Variants in CNBD1 observed in about 807,000 individuals in gnomAD.
CNBD1 encodes the protein cyclic nucleotide binding domain containing 1.
A neutral mutation model predicts 54.4 loss-of-function variants in CNBD1; 71 were observed. The observed-to-expected ratio is 1.30, with a 90% CI of 1.08 to 1.59. The LOEUF (loss-of-function observed/expected upper bound fraction) is 1.59, where lower values mean the gene tolerates loss of function less well. Ranked by LOEUF, CNBD1 falls within the 40% of genes most tolerant of loss-of-function variation. The probability of loss-of-function intolerance (pLI) is 0.00; values close to 1 mark genes in which losing one functional copy is unlikely to be tolerated. For missense variants in CNBD1, 659 were observed against 518.0 expected, an observed-to-expected ratio of 1.27 and a Z score of -2.64; for synonymous variants, 182 against 170.7, an observed-to-expected ratio of 1.07 and a Z score of -0.51.
At chr8:87,037,054 G>C (rs149924108) in intron 4 of CNBD1, among the ~76,000 whole-genome samples, 2 of 151,878 alleles carry the variant, frequency 1.3e-5, no homozygotes, top group Admixed American at 1.3e-4. Flanking sequence ...AATTTTTTGC[G>C]ACCTCGAATA....
chr8:87,090,968 T>C (rs1381931525), intron 4 of CNBD1, among the ~76,000 whole-genome samples: 1 of 151,860 alleles, frequency 6.6e-6, no homozygotes, highest in Non-Finnish European at 1.5e-5. Context: ...TGTGAAACCC[T>C]GTCTCTATGA....
chr8:87,089,828 T>C (rs62527277), intron 4 of CNBD1, among the ~76,000 whole-genome samples: 1 of 152,114 alleles, frequency 6.6e-6, no homozygotes, highest in Non-Finnish European at 1.5e-5. Flanking sequence ...ATGCTACTTG[T>C]TCATACAAAA....
chr8:87,110,474 C>A (rs569946920), intron 4 of CNBD1, among the ~76,000 whole-genome samples: 1 of 152,302 alleles, frequency 6.6e-6, no homozygotes, highest in South Asian at 2.1e-4. Context: ...AAGAGGCCTA[C>A]AAGATGTTGA....
chr8:87,000,614 G>A (rs993535963), intron 4 of CNBD1, among the ~76,000 whole-genome samples: 2 of 152,086 alleles, frequency 1.3e-5, no homozygotes, highest in African/African-American at 4.8e-5. Context: ...AACAGGTTTG[G>A]CCCATGATAA....
At chr8:87,085,789 C>A (rs1002962946) in intron 4 of CNBD1, among the ~76,000 whole-genome samples, 4 of 152,090 alleles carry the variant, frequency 2.6e-5, no homozygotes, top group Non-Finnish European at 4.4e-5. Flanking sequence ...GGGTGTAGGG[C>A]CATTCTCTGC....
At chr8:87,073,050 A>G (rs370440800) in intron 4 of CNBD1, among the ~76,000 whole-genome samples, 1 of 150,956 alleles carries the variant, frequency 6.6e-6, no homozygotes, top group African/African-American at 2.4e-5. Flanking sequence ...TGTGTGTCCT[A>G]TTCCAGAAAG....
chr8:87,405,138 A>T (rs1020768222), intron 2 of CNBD1, among the ~76,000 whole-genome samples: 1 of 152,070 alleles, frequency 6.6e-6, no homozygotes, highest in African/African-American at 2.4e-5. Context: ...TAATATACTC[A>T]ACCATTGTTA....
chr8:87,137,034 A>T (rs1481693380), intron 4 of CNBD1, among the ~76,000 whole-genome samples: 23 of 112,142 alleles, frequency 2.1e-4, no homozygotes, highest in African/African-American at 8.7e-4. Context: ...TATTATATTT[A>T]TATTCTATGT....
At chr8:86,910,720 G>C (rs1408996099) in intron 3 of CNBD1, among the ~76,000 whole-genome samples, 2 of 152,276 alleles carry the variant, frequency 1.3e-5, no homozygotes, top group South Asian at 4.1e-4. Context: ...GTCATTGTCT[G>C]GGGTAATACC....
intron 4 of CNBD1, among the ~76,000 whole-genome samples, chr8:87,124,347 T>A (rs1811951116): frequency 6.6e-6 from 1 of 151,658 alleles, no homozygotes; most frequent in Admixed American, 6.6e-5. Context: ...TTTAAGAAGA[T>A]TCAAATTATA....
At position 87,358,465 on chromosome 8, in the gene CNBD1, T is replaced by C. The variant is rs114534098; in HGVS notation, c.1303+4679T>C. 7.2e-3 allele frequency among the ~76,000 whole-genome samples: 1,091 copies of C among 152,286 alleles called. 12 individuals carry two copies. Among genetic ancestry groups the C allele is most frequent in the African/African-American group, 0.025 (1,032 of 41,566 alleles). On this transcript the variant is annotated intron_variant, in intron 10 of 10. Transcript: ENST00000518476. ...TTTTCCTATATAATAATATGTTTTT[T>C]CTTTTCCTATATAAATGATGTTAAC...
chr8:87,342,757 A>G lies in CNBD1; in HGVS notation c.1043-8928A>G, dbSNP rs570173321. Among the ~76,000 whole-genome samples, 4 of 152,282 alleles carry G rather than the reference A, an allele frequency of 2.6e-5. No homozygotes were observed. The South Asian group carries it at 8.3e-4, about 32-fold the overall frequency. On this transcript the variant is annotated intron_variant, in intron 8 of 10. Transcript: ENST00000518476. ...GGGAGGGGGCACACGAACAGGGAGT[A>G]GGTCACAAGGATCACATGCTTCAAA...
intron 5 of CNBD1, among the ~76,000 whole-genome samples, chr8:87,228,061 G>A (rs1382954303): frequency 0.014 from 2,075 of 151,184 alleles, 31 homozygotes; most frequent in Non-Finnish European, 0.022. Flanking sequence ...CATTCTTCCC[G>A]TAGTTCTCGA....
chr8:86,904,942 A>G (rs1808993579), intron 2 of CNBD1, 139 bp from the exon 3 acceptor site: 2 of 402,300 alleles, frequency 5.0e-6, no homozygotes, highest in Non-Finnish European at 8.9e-6. Flanking sequence ...AGCACAAAAT[A>G]TTTATATTTT....
chr8:87,126,992 G>A (rs1453814852), intron 4 of CNBD1, among the ~76,000 whole-genome samples: 1 of 151,670 alleles, frequency 6.6e-6, no homozygotes, highest in African/African-American at 2.4e-5. Context: ...CAGGGTAATA[G>A]ATGAGTGAAA....
At chr8:87,297,772 T>C (rs1808908400) in intron 8 of CNBD1, among the ~76,000 whole-genome samples, 1 of 152,034 alleles carries the variant, frequency 6.6e-6, no homozygotes, top group African/African-American at 2.4e-5. Context: ...TTAATTTTCA[T>C]TTTAAAATAA....
chr8:87,254,834 T>TG (rs1352672565), intron 6 of CNBD1, among the ~76,000 whole-genome samples: 1 of 152,178 alleles, frequency 6.6e-6, no homozygotes, highest in African/African-American at 2.4e-5. Context: ...TTTTACTCTG[T>TG]TTTGAGGCTA....
At chr8:87,174,425 C>T (rs1296815558) in intron 4 of CNBD1, among the ~76,000 whole-genome samples, 1 of 152,116 alleles carries the variant, frequency 6.6e-6, no homozygotes, top group Non-Finnish European at 1.5e-5. Flanking sequence ...TCTTGATTAT[C>T]TTTAATTATT....
At chr8:87,216,838 C>T (rs986126694) in intron 5 of CNBD1, among the ~76,000 whole-genome samples, 2 of 152,244 alleles carry the variant, frequency 1.3e-5, no homozygotes, top group South Asian at 4.1e-4. Context: ...CATCAAAGAG[C>T]CTTCACTAGA....
Sources: allele counts gnomAD v4.1 joint callset (sites outside exome capture counted in the v4.1 genomes callset), GRCh38; gene constraint gnomAD v4.1.1; transcripts MANE v1.5; gene names NCBI Gene and HGNC (gene_info 2026-07-23, HGNC 2026-07-21).